The following CSMD1 variants were observed in gnomAD, a reference collection of about 807,000 sequenced individuals.
The protein encoded by CSMD1 is CUB and Sushi multiple domains 1.
A neutral mutation model predicts 417.5 loss-of-function variants in CSMD1; 213 were observed. That is an observed-to-expected ratio of 0.51 (90% CI 0.46 to 0.57). The LOEUF (loss-of-function observed/expected upper bound fraction) is 0.57. Ranked by LOEUF, CSMD1 falls within the 20% of genes least tolerant of loss-of-function variation. CSMD1 has a pLI of 0.00. For missense variants in CSMD1, 6,923 were observed against 4,529.7 expected (o/e 1.53, Z -15.17); for synonymous variants, 2,862 against 1,736.8 (o/e 1.65, Z -16.11).
Position 3,466,188 on chromosome 8 carries a change from A to C in CSMD1, c.1561+2524T>G, listed in dbSNP as rs74565575. Among the ~76,000 whole-genome samples, 1,115 of 152,044 alleles carry C rather than the reference A, an allele frequency of 7.3e-3. 5 individuals carry two copies. The highest frequency in any genetic ancestry group is 0.012 in the Non-Finnish European group (808 of 68,000). On this transcript the variant is annotated intron_variant, in intron 12 of 69. Transcript: ENST00000635120. ...TGATTTTTCAATAAAATTATGAAGC[A>C]GTTGTGATTACTAGGACTTTTTTTT...
intron 58 of CSMD1, 95 bp from the exon 59 acceptor site, chr8:2,966,049 T>C: frequency 1.8e-6 from 2 of 1,132,782 alleles, no homozygotes; most frequent in South Asian, 2.9e-5. Context: ...TCTGAGTTGC[T>C]ATTCACAGTG....
chr8:4,112,745 A>T (rs1801923449), intron 3 of CSMD1, among the ~76,000 whole-genome samples: 1 of 152,238 alleles, frequency 6.6e-6, no homozygotes. Context: ...AATATTAAAC[A>T]ATATATCCTT....
intron 43 of CSMD1, among the ~76,000 whole-genome samples, 157 bp from the exon 44 acceptor site, chr8:3,108,905 A>G (rs188108042): frequency 6.6e-6 from 1 of 152,366 alleles, no homozygotes; most frequent in Admixed American, 6.5e-5. Flanking sequence ...TTGAATGTCC[A>G]CAAAGTTGAG....
At chr8:4,028,313 T>C (rs1490307699) in intron 4 of CSMD1, among the ~76,000 whole-genome samples, 2 of 152,126 alleles carry the variant, frequency 1.3e-5, no homozygotes, top group Non-Finnish European at 2.9e-5. Context: ...TCCCCACCTA[T>C]AATATGAATC....
intron 5 of CSMD1, among the ~76,000 whole-genome samples, chr8:3,816,509 T>A (rs999843225): frequency 6.6e-6 from 1 of 152,200 alleles, no homozygotes; most frequent in Non-Finnish European, 1.5e-5. Flanking sequence ...AACTTCCTCA[T>A]AGATGTTTAT....
At chr8:3,984,752 T>TG (rs1491263476) in intron 5 of CSMD1, among the ~76,000 whole-genome samples, 14 of 78,114 alleles carry the variant, frequency 1.8e-4, no homozygotes, top group South Asian at 3.4e-4. Flanking sequence ...TATATATATA[T>TG]TTGTATGTAT....
chr8:4,168,805 C>G (rs1407507013), intron 3 of CSMD1, among the ~76,000 whole-genome samples: 1 of 152,014 alleles, frequency 6.6e-6, no homozygotes, highest in Non-Finnish European at 1.5e-5. Flanking sequence ...TTTCATTTTC[C>G]TTTGAACTAA....
chr8:3,495,049 T>C (rs1002479040), intron 10 of CSMD1, among the ~76,000 whole-genome samples: 1 of 152,186 alleles, frequency 6.6e-6, no homozygotes, highest in African/African-American at 2.4e-5. Flanking sequence ...ATATAGCCAT[T>C]ATAATTTATT....
intron 1 of CSMD1, among the ~76,000 whole-genome samples, chr8:4,757,470 C>G (rs1811739285): frequency 6.6e-6 from 1 of 152,106 alleles, no homozygotes; most frequent in African/African-American, 2.4e-5. Context: ...TATTCAACAT[C>G]AAACAGATAA....
chr8:3,606,192 G>C (rs901960756), intron 8 of CSMD1, among the ~76,000 whole-genome samples: 1 of 152,158 alleles, frequency 6.6e-6, no homozygotes, highest in Non-Finnish European at 1.5e-5. Flanking sequence ...GACAGAGATG[G>C]GCCAAGGTGC....
chr8:3,741,623 G>C (rs1021366089), intron 6 of CSMD1, among the ~76,000 whole-genome samples: 3 of 152,222 alleles, frequency 2.0e-5, no homozygotes, highest in African/African-American at 7.2e-5. Flanking sequence ...AAATAGTGCA[G>C]ACAGATAACT....
At chr8:3,811,332 T>C (rs1354036176) in intron 5 of CSMD1, among the ~76,000 whole-genome samples, 3 of 152,206 alleles carry the variant, frequency 2.0e-5, no homozygotes, top group East Asian at 3.9e-4. Context: ...TGTACCTTAA[T>C]TATGGACAAT....
chr8:4,173,346 C>A (rs77416084), intron 3 of CSMD1, among the ~76,000 whole-genome samples: 2 of 152,058 alleles, frequency 1.3e-5, no homozygotes, highest in Non-Finnish European at 2.9e-5. Context: ...ACCAGATATT[C>A]AGTATGTGGT....
At chr8:3,351,136 G>A (rs571545669) in intron 21 of CSMD1, among the ~76,000 whole-genome samples, 19 of 152,282 alleles carry the variant, frequency 1.2e-4, no homozygotes, top group African/African-American at 4.6e-4. Context: ...AGATTTCTCA[G>A]TGAATATGTA....
chr8:3,052,141 C>A (rs1391937563), intron 50 of CSMD1, among the ~76,000 whole-genome samples: 3 of 152,220 alleles, frequency 2.0e-5, no homozygotes, highest in South Asian at 4.1e-4. Flanking sequence ...TATTGCAGGG[C>A]TTAATGTCTC....
intron 21 of CSMD1, among the ~76,000 whole-genome samples, chr8:3,355,909 G>C (rs1395608334): frequency 1.3e-5 from 2 of 152,100 alleles, no homozygotes; most frequent in South Asian, 2.1e-4. Context: ...TTTGAGCATT[G>C]AGGTTGAATA....
chr8:4,227,400 C>T (rs890188230), intron 3 of CSMD1, among the ~76,000 whole-genome samples: 4 of 152,104 alleles, frequency 2.6e-5, no homozygotes, highest in African/African-American at 9.7e-5. Flanking sequence ...CTTATAAGAA[C>T]CCTGTTGTCT....
In CSMD1 at chr8:3,411,212, G is replaced by A. The variant is rs1812678848; in HGVS notation, c.1562-1607C>T. 2.0e-5 allele frequency among the ~76,000 whole-genome samples: 3 copies of A among 152,304 alleles called. No homozygotes were observed. In the South Asian group the frequency reaches 6.2e-4, roughly 32 times the overall value. Reference sequence around the variant, plus strand: ...GAGGCAGGTGAAAAGTGAGTCCCAGGAAATTCAGGGTGGTTTCTCTGGACA... The same window carrying A: ...GAGGCAGGTGAAAAGTGAGTCCCAGAAAATTCAGGGTGGTTTCTCTGGACA... On this transcript the variant is annotated intron_variant, in intron 12 of 69. Coordinates refer to ENST00000635120, the MANE Select transcript of CSMD1 (RefSeq NM_033225.6).
intron 26 of CSMD1, among the ~76,000 whole-genome samples, chr8:3,283,818 C>G (rs764822051): frequency 2.0e-5 from 3 of 152,236 alleles, no homozygotes; most frequent in Non-Finnish European, 4.4e-5. Context: ...AATCATACTT[C>G]TGCACGACTA....
Sources: allele counts gnomAD v4.1 joint callset (sites outside exome capture counted in the v4.1 genomes callset), GRCh38; gene constraint gnomAD v4.1.1; transcripts MANE v1.5; gene names NCBI Gene and HGNC (gene_info 2026-07-23, HGNC 2026-07-21).